Variants in ADAMTSL1 observed in about 807,000 individuals in gnomAD.
The protein encoded by ADAMTSL1 is ADAMTS like 1, also known as ADAMTS-like protein 1.
A neutral mutation model predicts 201.8 loss-of-function variants in ADAMTSL1; 126 were observed. The observed-to-expected ratio is 0.62, with a 90% confidence interval of 0.54 to 0.72. The LOEUF is 0.72. Ranked by LOEUF, ADAMTSL1 falls within the 30% of genes least tolerant of loss-of-function variation. ADAMTSL1 has a pLI of 0.00. For synonymous variants in ADAMTSL1, 1,121 were observed against 903.4 expected (o/e 1.24, Z -4.32); for missense variants, 2,679 against 2,277.8 (o/e 1.18, Z -3.59).
chr9:18,765,734 A>G (rs1360257575), intron 16 of ADAMTSL1, among the ~76,000 whole-genome samples: 1 of 152,226 alleles, frequency 6.6e-6, no homozygotes, highest in Non-Finnish European at 1.5e-5. Context: ...TGAAATTCTC[A>G]AACACTTAAT....
chr9:18,324,869 C>T (rs1214458261), intron 2 of ADAMTSL1, among the ~76,000 whole-genome samples: 2 of 151,934 alleles, frequency 1.3e-5, no homozygotes, highest in Admixed American at 6.6e-5. Flanking sequence ...GAAATATGTA[C>T]AATACATATC....
chr9:18,400,424 T>C (rs1333861467), intron 2 of ADAMTSL1, among the ~76,000 whole-genome samples: 1 of 152,182 alleles, frequency 6.6e-6, no homozygotes, highest in African/African-American at 2.4e-5. Context: ...CATATAAATT[T>C]TGGGGATCAT....
intron 1 of ADAMTSL1, among the ~76,000 whole-genome samples, chr9:18,072,065 G>A (rs566889677): frequency 1.3e-5 from 2 of 152,082 alleles, no homozygotes; most frequent in African/African-American, 2.4e-5. Flanking sequence ...ATTGCCATTC[G>A]TATGTCCAAG....
At chr9:18,359,124 C>G (rs1442283388) in intron 2 of ADAMTSL1, among the ~76,000 whole-genome samples, 1 of 152,170 alleles carries the variant, frequency 6.6e-6, no homozygotes, top group Non-Finnish European at 1.5e-5. Context: ...AATTATATAA[C>G]ATACAGGCAA....
rs536912804 is a variant in ADAMTSL1 at position 17,966,053 on chromosome 9, A to T, written c.87+59131A>T. ...CTGAGTACCAGTGCAGTGGAATAAA[A>T]GTTGTTTGTCACATTGTTGCAAATA... On this transcript the variant is annotated intron_variant, in intron 1 of 29. Transcript: ENST00000680146. Among the ~76,000 whole-genome samples, 10 of 152,316 alleles carry T rather than the reference A, an allele frequency of 6.6e-5. No homozygotes were observed. In the South Asian group the frequency reaches 1.7e-3, roughly 25 times the overall value.
chr9:18,287,377 G>A (rs1260926491), intron 2 of ADAMTSL1, among the ~76,000 whole-genome samples: 1 of 151,138 alleles, frequency 6.6e-6, no homozygotes, highest in East Asian at 2.0e-4. Context: ...ACACATACAT[G>A]TATATATGTG....
intron 1 of ADAMTSL1, among the ~76,000 whole-genome samples, chr9:18,032,560 G>C (rs188322962): frequency 4.6e-4 from 70 of 152,298 alleles, no homozygotes; most frequent in African/African-American, 1.6e-3. Flanking sequence ...CATGGGAGAG[G>C]TAGCCCTGCT....
At chr9:18,234,326 G>T (rs1222765827) in intron 2 of ADAMTSL1, among the ~76,000 whole-genome samples, 1 of 152,114 alleles carries the variant, frequency 6.6e-6, no homozygotes, top group Non-Finnish European at 1.5e-5. Flanking sequence ...TGAAATATCT[G>T]GGAGAAATCC....
chr9:18,537,746 C>A (rs1382982822), intron 3 of ADAMTSL1, among the ~76,000 whole-genome samples: 1 of 151,654 alleles, frequency 6.6e-6, no homozygotes, highest in Non-Finnish European at 1.5e-5. Flanking sequence ...TGCTGGTGTG[C>A]ACCTGTTGTC....
At chr9:17,992,609 G>A (rs943303869) in intron 1 of ADAMTSL1, among the ~76,000 whole-genome samples, 1 of 152,058 alleles carries the variant, frequency 6.6e-6, no homozygotes, top group African/African-American at 2.4e-5. Context: ...AAAGTAGTGA[G>A]AGCCTCCCCC....
chr9:18,188,414 G>A (rs1828830010), intron 2 of ADAMTSL1, among the ~76,000 whole-genome samples: 1 of 152,096 alleles, frequency 6.6e-6, no homozygotes, highest in Non-Finnish European at 1.5e-5. Context: ...AGTGGCAAAT[G>A]AAAACATGAA....
chr9:18,199,196 A>C (rs941686094), intron 2 of ADAMTSL1, among the ~76,000 whole-genome samples: 1 of 151,920 alleles, frequency 6.6e-6, no homozygotes, highest in Non-Finnish European at 1.5e-5. Flanking sequence ...CCAGCATGGC[A>C]CATGTATACA....
intron 1 of ADAMTSL1, among the ~76,000 whole-genome samples, chr9:18,068,010 G>T (rs1043917429): frequency 4.6e-5 from 7 of 151,994 alleles, no homozygotes; most frequent in African/African-American, 1.7e-4. Context: ...AATTTGAAAG[G>T]GAGACTGTGG....
intron 1 of ADAMTSL1, among the ~76,000 whole-genome samples, chr9:18,066,554 T>G (rs1429101039): frequency 6.6e-6 from 1 of 152,242 alleles, no homozygotes; most frequent in East Asian, 1.9e-4. Flanking sequence ...TAAAATATTG[T>G]TTTTATATTT....
chr9:18,202,113 G>A (rs944023597), intron 2 of ADAMTSL1, among the ~76,000 whole-genome samples: 1 of 152,070 alleles, frequency 6.6e-6, no homozygotes, highest in South Asian at 2.1e-4. Context: ...AAATAAAGTG[G>A]GTTGTAAACA....
intron 1 of ADAMTSL1, among the ~76,000 whole-genome samples, chr9:18,156,989 A>G (rs1157956360): frequency 1.3e-5 from 2 of 152,024 alleles, no homozygotes; most frequent in African/African-American, 2.4e-5. Context: ...CTGTTTTATC[A>G]TCTTATATAT....
At chr9:17,948,981 G>C (rs1482372297) in intron 1 of ADAMTSL1, among the ~76,000 whole-genome samples, 3 of 152,156 alleles carry the variant, frequency 2.0e-5, no homozygotes, top group African/African-American at 7.2e-5. Context: ...TTGAGGATCA[G>C]ATAGCTAGTT....
At chr9:18,743,683 A>C (rs1409209865) in intron 15 of ADAMTSL1, among the ~76,000 whole-genome samples, 1 of 152,132 alleles carries the variant, frequency 6.6e-6, no homozygotes, top group Non-Finnish European at 1.5e-5. Flanking sequence ...GAGCCGTGCA[A>C]GTTACTGTTT....
chr9:18,439,814 A>G (rs965476266), intron 2 of ADAMTSL1, among the ~76,000 whole-genome samples: 6 of 152,214 alleles, frequency 3.9e-5, no homozygotes, highest in African/African-American at 1.4e-4. Flanking sequence ...TTATATTATT[A>G]TCCCATTTCA....
Sources: allele counts gnomAD v4.1 joint callset (sites outside exome capture counted in the v4.1 genomes callset), GRCh38; gene constraint gnomAD v4.1.1; transcripts MANE v1.5; gene names NCBI Gene and HGNC (gene_info 2026-07-23, HGNC 2026-07-21).